Variants in SNCAIP observed in about 807,000 individuals in gnomAD.
SNCAIP encodes synuclein alpha interacting protein, also known as synphilin-1.
SNCAIP carries 43 observed loss-of-function variants against 86.7 expected under a neutral mutation model. The ratio of observed to expected loss-of-function variants is 0.50; its 90% CI spans 0.39 to 0.64. The LOEUF is 0.64. Ranked by LOEUF, SNCAIP falls within the 30% of genes least tolerant of loss-of-function variation. The pLI is 0.00. For synonymous variants in SNCAIP, 417 were observed against 427.2 expected, an observed-to-expected ratio of 0.98 and a Z score of 0.29; for missense variants, 981 against 1,103.1, an observed-to-expected ratio of 0.89 and a Z score of 1.57.
At chr5:122,339,015 G>A (rs953138657) in intron 1 of SNCAIP, among the ~76,000 whole-genome samples, 2 of 152,118 alleles carry the variant, frequency 1.3e-5, no homozygotes, top group Admixed American at 6.5e-5. Context: ...CCAAAGTTAC[G>A]TGTACAAAGG....
rs564846517 is a variant in SNCAIP, at chr5:122,363,061, A to G, written c.-46-28028A>G. Among the ~76,000 whole-genome samples, 220 of 150,626 alleles carry G rather than the reference A, an allele frequency of 1.5e-3. 1 individual carries two copies. The highest frequency in any genetic ancestry group is 2.7e-3 in the Non-Finnish European group (182 of 67,816). On this transcript the variant is annotated intron_variant, in intron 1 of 10. Transcript: ENST00000261368. ...GCCCAGGCTGGAGTGCAATGGTACA[A>G]TCTCAACTCACTGCAACTTCCACCT...
Position 122,445,719 on chromosome 5 carries a change from C to CA in SNCAIP, c.1592+1000dup, listed in dbSNP as rs544960705. 3.4e-3 allele frequency among the ~76,000 whole-genome samples: 400 copies of CA among 117,698 alleles called. 1 individual carries two copies. The highest frequency in any genetic ancestry group is 8.4e-3 in the Middle Eastern group (2 of 238). The allele number at this position is 117,698 out of a possible 152,430, so 77.2% of individuals were successfully genotyped here. On this transcript the variant is annotated intron_variant, in intron 8 of 10. Transcript: ENST00000261368. ...TGTACCCTAGAACTTAAAGTATAAT[C>CA]AAAAAAAAAAAAAGAAAAAAACCTT...
At chr5:122,312,662 A>G (rs1415454856) in intron 1 of SNCAIP, 1 of 152,366 alleles carries the variant, frequency 6.6e-6, no homozygotes, top group Non-Finnish European at 1.5e-5. Flanking sequence ...GCGGCTCGGA[A>G]AAGCTGAGAT....
At chr5:122,428,572 T>G (rs1044439568) in intron 5 of SNCAIP, among the ~76,000 whole-genome samples, 2 of 151,866 alleles carry the variant, frequency 1.3e-5, no homozygotes, top group African/African-American at 4.8e-5. Flanking sequence ...CAATAAGTTT[T>G]TTTTTTTTTA....
intron 10 of SNCAIP, among the ~76,000 whole-genome samples, chr5:122,460,963 C>G (rs1156278306): frequency 1.3e-5 from 2 of 152,188 alleles, no homozygotes; most frequent in African/African-American, 4.8e-5. Context: ...GTGCTTCTCT[C>G]CTGTTTAGAC....
At chr5:122,408,488 C>A (rs1264512076) in intron 3 of SNCAIP, among the ~76,000 whole-genome samples, 1 of 152,202 alleles carries the variant, frequency 6.6e-6, no homozygotes, top group Non-Finnish European at 1.5e-5. Flanking sequence ...CTTCCACTGG[C>A]TCACCAATGC....
intron 1 of SNCAIP, among the ~76,000 whole-genome samples, chr5:122,349,459 T>C (rs935206606): frequency 6.6e-6 from 1 of 152,180 alleles, no homozygotes; most frequent in Non-Finnish European, 1.5e-5. Flanking sequence ...ATAGATATGA[T>C]TTGCTTCCTA....
chr5:122,426,495 T>C (rs1777394699), intron 5 of SNCAIP, among the ~76,000 whole-genome samples: 1 of 152,216 alleles, frequency 6.6e-6, no homozygotes, highest in Non-Finnish European at 1.5e-5. Context: ...TTTGTATTTT[T>C]AATTTGATGA....
chr5:122,335,750 G>A (rs1756309455), intron 1 of SNCAIP, among the ~76,000 whole-genome samples: 1 of 152,230 alleles, frequency 6.6e-6, no homozygotes, highest in South Asian at 2.1e-4. Flanking sequence ...CTTCGGCATT[G>A]TACTGAGTTG....
chr5:122,451,320 A>C lies in SNCAIP; in HGVS notation c.2473A>C (p.Met825Leu). 6.2e-7 allele frequency: 1 copy of C among 1,614,194 alleles called. No individual in the cohort carries two copies. The highest frequency in any genetic ancestry group is 8.5e-7 in the Non-Finnish European group (1 of 1,180,034). The part of the protein sequence containing the change: ...RVTFEEPVVQ[M>L]EQPSLELNGE... ...TACCTTTGAGGAGCCTGTGGTGCAG[A>C]TGGAGCAGCCTAGCCTTGAACTGAA... The change falls in exon 10 of 11, where the codon ATG (methionine) becomes CTG (leucine). Residue 825 changes from methionine to leucine, a missense_variant. Met to Leu is a conservative substitution (Grantham distance 15). Coordinates refer to ENST00000261368, the MANE Select transcript of SNCAIP (RefSeq NM_005460.4).
intron 1 of SNCAIP, among the ~76,000 whole-genome samples, chr5:122,368,132 G>A (rs1392777078): frequency 8.5e-5 from 13 of 152,160 alleles, no homozygotes; most frequent in Admixed American, 7.9e-4. Context: ...AGAGTGGCAA[G>A]TATATAGGCA....
chr5:122,352,576 T>C (rs571359297), intron 1 of SNCAIP, among the ~76,000 whole-genome samples: 5 of 152,346 alleles, frequency 3.3e-5, no homozygotes, highest in African/African-American at 1.2e-4. Flanking sequence ...GTTCCTTGTC[T>C]TAGTCCATTC....
At chr5:122,345,803 G>A (rs943089548) in intron 1 of SNCAIP, among the ~76,000 whole-genome samples, 1 of 150,746 alleles carries the variant, frequency 6.6e-6, no homozygotes, top group Admixed American at 6.6e-5. Context: ...TAGGACTACA[G>A]ATGTGTGCCA....
chr5:122,435,623 A>G (rs902104010), intron 6 of SNCAIP, among the ~76,000 whole-genome samples: 1 of 139,972 alleles, frequency 7.1e-6, no homozygotes, highest in Non-Finnish European at 1.6e-5. Flanking sequence ...CACTGTTTTT[A>G]TTATTTTCTG....
At chr5:122,407,580 C>A (rs939620499) in intron 3 of SNCAIP, among the ~76,000 whole-genome samples, 1 of 152,162 alleles carries the variant, frequency 6.6e-6, no homozygotes, top group Non-Finnish European at 1.5e-5. Context: ...TCAAAATCAT[C>A]TAGTCTGCAA....
At chr5:122,380,122 C>A (rs1027415728) in intron 1 of SNCAIP, among the ~76,000 whole-genome samples, 6 of 152,000 alleles carry the variant, frequency 3.9e-5, no homozygotes, top group Admixed American at 2.0e-4. Context: ...ATGGTACCAG[C>A]GCCTCCTTGT....
intron 1 of SNCAIP, among the ~76,000 whole-genome samples, chr5:122,330,982 C>A (rs957151305): frequency 4.0e-5 from 6 of 151,758 alleles, no homozygotes; most frequent in African/African-American, 1.5e-4. Flanking sequence ...TCACAAGGAG[C>A]GCACAACCTA....
chr5:122,438,347 G>T (rs958362916), intron 6 of SNCAIP, among the ~76,000 whole-genome samples: 2 of 152,126 alleles, frequency 1.3e-5, no homozygotes, highest in Non-Finnish European at 2.9e-5. Context: ...TGTCTCAGTT[G>T]TCCCACCATG....
intron 1 of SNCAIP, among the ~76,000 whole-genome samples, chr5:122,386,050 T>A (rs1768066541): frequency 6.6e-6 from 1 of 152,202 alleles, no homozygotes; most frequent in South Asian, 2.1e-4. Context: ...TCAATGTGCC[T>A]TTTATGAGCC....
Sources: gnomAD v4.1 joint callset for allele counts (sites outside exome capture counted in the v4.1 genomes callset) on GRCh38, gnomAD v4.1.1 for gene constraint, MANE v1.5 for transcripts, NCBI Gene and HGNC (gene_info 2026-07-23, HGNC 2026-07-21) for gene names.